NREP: variants seen among roughly 807,000 people sequenced by gnomAD.
NREP encodes neuronal regeneration-related protein.
NREP carries 5 observed loss-of-function variants against 8.6 expected under a neutral mutation model. The observed-to-expected ratio is 0.58, with a 90% CI of 0.30 to 1.22. The LOEUF (loss-of-function observed/expected upper bound fraction) is 1.22. Among genes scored for constraint, NREP ranks in the 50% most tolerant of loss-of-function variants. The pLI, the probability that NREP is intolerant of heterozygous loss-of-function variation, is 0.07. For missense variants in NREP, 86 were observed against 82.5 expected (o/e 1.04, Z -0.17); for synonymous variants, 27 against 28.0 (o/e 0.96, Z 0.11).
intron 2 of NREP, among the ~76,000 whole-genome samples, chr5:111,770,934 G>C (rs1469307611): frequency 6.6e-6 from 1 of 152,044 alleles, no homozygotes; most frequent in South Asian, 2.1e-4. Context: ...TAATTTGAAT[G>C]AGTTCTTTCA....
intron 2 of NREP, among the ~76,000 whole-genome samples, chr5:111,902,253 G>A (rs10042500): frequency 0.6 from 91,124 of 151,826 alleles, 27,757 homozygotes; most frequent in Non-Finnish European, 0.65. Flanking sequence ...ATAAACAGAA[G>A]ATGAAACTAG....
At chr5:111,833,578 TAG>T (rs1441833126) in intron 2 of NREP, among the ~76,000 whole-genome samples, 1 of 152,198 alleles carries the variant, frequency 6.6e-6, no homozygotes, top group African/African-American at 2.4e-5. Flanking sequence ...ATGGGATTTG[TAG>T]AGTTAGTTGG....
At chr5:111,903,082 C>CTTTT (rs759722512) in intron 2 of NREP, among the ~76,000 whole-genome samples, 11 of 122,722 alleles carry the variant, frequency 9.0e-5, no homozygotes, top group African/African-American at 2.6e-4. Context: ...TGTCTTTTCT[C>CTTTT]TTTTTTTTTT....
At chr5:111,848,685 G>A (rs1320477384) in intron 2 of NREP, among the ~76,000 whole-genome samples, 1 of 125,656 alleles carries the variant, frequency 8.0e-6, no homozygotes, top group Non-Finnish European at 1.7e-5. Flanking sequence ...AATGTGAATT[G>A]CCAAAGACAA....
chr5:111,837,784 T>C (rs752015818), intron 2 of NREP, among the ~76,000 whole-genome samples: 36 of 152,080 alleles, frequency 2.4e-4, no homozygotes, highest in Non-Finnish European at 5.0e-4. Flanking sequence ...ACATTTCATA[T>C]GGTGGCAAAG....
intron 2 of NREP, among the ~76,000 whole-genome samples, chr5:111,834,476 T>C (rs1752847247): frequency 6.6e-6 from 1 of 152,216 alleles, no homozygotes. Context: ...CATCAGGCCA[T>C]AGACTAATTA....
In NREP at chr5:111,974,963, G is replaced by A. The variant is rs548437229; in HGVS notation, c.135+311C>T. Among the ~76,000 whole-genome samples, 188 of 152,326 alleles carry A rather than the reference G, an allele frequency of 1.2e-3. 1 individual carries two copies. Among genetic ancestry groups the A allele is most frequent in the African/African-American group, 4.4e-3 (181 of 41,576 alleles). Reference sequence around the variant, plus strand: ...AAAGACCACGTGAGTTCCAAGAATGGAGGGAATGCTGAGGGCTGAGGTGGT... The same window carrying A: ...AAAGACCACGTGAGTTCCAAGAATGAAGGGAATGCTGAGGGCTGAGGTGGT... On this transcript the variant is annotated intron_variant, in intron 2 of 3. Transcript: ENST00000395634.
At chr5:111,800,610 T>C (rs982788955) in intron 2 of NREP, among the ~76,000 whole-genome samples, 3 of 152,198 alleles carry the variant, frequency 2.0e-5, no homozygotes, top group African/African-American at 7.2e-5. Context: ...AGAATTCCAG[T>C]GGAGTTCATG....
At chr5:111,780,407 G>T (rs987886317) in intron 2 of NREP, among the ~76,000 whole-genome samples, 5 of 152,072 alleles carry the variant, frequency 3.3e-5, no homozygotes, top group African/African-American at 1.2e-4. Flanking sequence ...AGGGAAACAG[G>T]GAGAGAGGAA....
intron 2 of NREP, among the ~76,000 whole-genome samples, chr5:111,913,764 T>C (rs1337663858): frequency 6.6e-6 from 1 of 152,106 alleles, no homozygotes; most frequent in African/African-American, 2.4e-5. Context: ...TCCCCGTCTC[T>C]GGATTTGATT....
chr5:111,744,476 A>C (rs1561641192), intron 2 of NREP, among the ~76,000 whole-genome samples: 1 of 152,266 alleles, frequency 6.6e-6, no homozygotes, highest in African/African-American at 2.4e-5. Context: ...ATGCTATTTA[A>C]ATGCTCAGGA....
At chr5:111,873,859 A>C (rs1753844240) in intron 2 of NREP, among the ~76,000 whole-genome samples, 1 of 152,174 alleles carries the variant, frequency 6.6e-6, no homozygotes, top group Non-Finnish European at 1.5e-5. Flanking sequence ...GAGAGACTGC[A>C]GGCAGAACAC....
intron 1 of NREP, 105 bp from the exon 2 acceptor site, chr5:111,755,935 A>T: frequency 7.8e-7 from 1 of 1,277,582 alleles, no homozygotes; most frequent in Non-Finnish European, 1.0e-6. Flanking sequence ...TTCTGTGGTT[A>T]AGATAAGTTA....
At chr5:111,805,183 C>A (rs1161566110) in intron 2 of NREP, among the ~76,000 whole-genome samples, 1 of 152,180 alleles carries the variant, frequency 6.6e-6, no homozygotes, top group Non-Finnish European at 1.5e-5. Flanking sequence ...GGTAAAACTT[C>A]AGAAGTATGG....
intron 2 of NREP, among the ~76,000 whole-genome samples, chr5:111,847,564 T>G (rs1465446085): frequency 6.6e-6 from 1 of 152,214 alleles, no homozygotes; most frequent in Non-Finnish European, 1.5e-5. Context: ...ATTTATAAAC[T>G]ATACTAACTC....
chr5:111,847,780 AGATAC>A (rs919348438), intron 2 of NREP, among the ~76,000 whole-genome samples: 2 of 152,232 alleles, frequency 1.3e-5, no homozygotes, highest in African/African-American at 4.8e-5. Flanking sequence ...TTATATATAC[AGATAC>A]AAGACACACA....
chr5:111,947,280 T>G lies in NREP; in HGVS notation c.135+27994A>C, dbSNP rs191045946. ...ACTAAACTTGCTAGAGAAAAAACCT[T>G]TTTGATTCAGATTTTATTAATTCAG... On this transcript the variant is annotated intron_variant, in intron 2 of 3. Transcript: ENST00000395634. Among the ~76,000 whole-genome samples the G allele has an allele frequency of 2.6e-4, 39 of 152,114 alleles. 2 individuals are homozygous for G. In the South Asian group the frequency reaches 7.7e-3, roughly 30 times the overall value.
intron 2 of NREP, among the ~76,000 whole-genome samples, chr5:111,827,988 T>C (rs926792742): frequency 2.6e-5 from 4 of 152,218 alleles, no homozygotes; most frequent in African/African-American, 9.6e-5. Context: ...ACAGCACCTT[T>C]TGTATTTTTA....
At chr5:111,944,365 T>C (rs1331384002) in intron 2 of NREP, among the ~76,000 whole-genome samples, 2 of 152,090 alleles carry the variant, frequency 1.3e-5, no homozygotes, top group Non-Finnish European at 2.9e-5. Context: ...TAGAGTGCAG[T>C]GGTACAATCT....
Sources: allele counts gnomAD v4.1 joint callset (sites outside exome capture counted in the v4.1 genomes callset), GRCh38; gene constraint gnomAD v4.1.1; transcripts MANE v1.5; gene names NCBI Gene and HGNC (gene_info 2026-07-23, HGNC 2026-07-21).